Variants in ZFYVE28 observed in about 807,000 individuals in gnomAD.
ZFYVE28 encodes the protein zinc finger FYVE-type containing 28, also known as lateral signaling target protein 2 homolog.
A neutral mutation model predicts 82.1 loss-of-function variants in ZFYVE28; 40 were observed. That is an observed-to-expected ratio of 0.49 (90% CI 0.38 to 0.63). ZFYVE28 has a LOEUF of 0.63. Ranked by LOEUF, ZFYVE28 falls within the 30% of genes least tolerant of loss-of-function variation. ZFYVE28 has a pLI of 0.00. For synonymous variants in ZFYVE28, 612 were observed against 546.1 expected (o/e 1.12, Z -1.68); for missense variants, 1,321 against 1,242.1 (o/e 1.06, Z -0.96).
At chr4:2,400,500 A>G (rs991922339) in intron 1 of ZFYVE28, among the ~76,000 whole-genome samples, 2 of 152,016 alleles carry the variant, frequency 1.3e-5, no homozygotes, top group African/African-American at 4.8e-5. Context: ...GCCCCCAGAC[A>G]TCCCGGTTTG....
intron 1 of ZFYVE28, among the ~76,000 whole-genome samples, chr4:2,367,339 G>T (rs1726989733): frequency 1.3e-5 from 2 of 151,456 alleles, no homozygotes; most frequent in Admixed American, 1.3e-4. Context: ...CACTGTGCTA[G>T]CAGGGTGCCC....
intron 1 of ZFYVE28, among the ~76,000 whole-genome samples, chr4:2,379,271 TACCAAGAAAAGGAA>T: frequency 6.6e-6 from 1 of 152,330 alleles, no homozygotes; most frequent in Non-Finnish European, 1.5e-5. Context: ...TTTCCTCATC[TACCAAGAAAAGGAA>T]ATCTCAGAAT....
chr4:2,296,603 G>A (rs1048167733), intron 8 of ZFYVE28, among the ~76,000 whole-genome samples: 6 of 151,028 alleles, frequency 4.0e-5, no homozygotes, highest in South Asian at 4.2e-4. Flanking sequence ...GCAGGACCTC[G>A]GGACACCTGC....
intron 1 of ZFYVE28, among the ~76,000 whole-genome samples, chr4:2,400,727 G>A (rs1261078495): frequency 6.6e-6 from 1 of 152,132 alleles, no homozygotes; most frequent in Non-Finnish European, 1.5e-5. Flanking sequence ...TGTAGGCTGG[G>A]AGGCTAGGCC....
In ZFYVE28 at chr4:2,271,788, G is replaced by C. The variant is rs758773685; in HGVS notation, c.2324-9C>G. The C allele has an allele frequency of 1.2e-6, 2 of 1,612,470 alleles. No individual in the cohort carries two copies. The highest frequency in any genetic ancestry group is 1.7e-6 in the Non-Finnish European group (2 of 1,178,978). On this transcript the variant is annotated splice_polypyrimidine_tract_variant and intron_variant, in intron 10 of 12. Transcript: ENST00000290974. Reference sequence around the variant, plus strand: ...CCGCAGAGTCTGGGTGACTAGTGGAGAAGGGGGGCCGTCGGGGTATGGTGA... The same window carrying C: ...CCGCAGAGTCTGGGTGACTAGTGGACAAGGGGGGCCGTCGGGGTATGGTGA...
At chr4:2,365,065 C>A (rs919040938) in intron 1 of ZFYVE28, among the ~76,000 whole-genome samples, 7 of 150,878 alleles carry the variant, frequency 4.6e-5, no homozygotes, top group Non-Finnish European at 8.8e-5. Context: ...GGCTGAAGGG[C>A]GAGCAGTGGA....
intron 4 of ZFYVE28, among the ~76,000 whole-genome samples, chr4:2,338,116 C>T (rs1350246645): frequency 6.6e-6 from 1 of 152,248 alleles, no homozygotes; most frequent in Non-Finnish European, 1.5e-5. Context: ...CGAATGAACA[C>T]GTGCACGGGT....
At chr4:2,359,909 G>A (rs1156805846) in intron 1 of ZFYVE28, among the ~76,000 whole-genome samples, 1 of 152,104 alleles carries the variant, frequency 6.6e-6, no homozygotes, top group African/African-American at 2.4e-5. Context: ...TGCTCTTGGG[G>A]TGGGCTCAAG....
At chr4:2,322,905 A>G (rs1719308843) in intron 6 of ZFYVE28, among the ~76,000 whole-genome samples, 1 of 152,190 alleles carries the variant, frequency 6.6e-6, no homozygotes, top group South Asian at 2.1e-4. Flanking sequence ...ATGCTGTGGC[A>G]CGTGGCGAAT....
intron 1 of ZFYVE28, chr4:2,364,403 C>A: frequency 1.0e-6 from 1 of 979,510 alleles, no homozygotes; most frequent in African/African-American, 1.7e-5. Flanking sequence ...GGGCACAGCC[C>A]CCCACCTCTC....
chr4:2,372,913 C>A lies in ZFYVE28; in HGVS notation c.40-18840G>T, dbSNP rs562736406. Among the ~76,000 whole-genome samples, 1 of 152,244 alleles carries A rather than the reference C, an allele frequency of 6.6e-6. No homozygotes were observed. The highest frequency in any genetic ancestry group is 1.5e-5 in the Non-Finnish European group (1 of 67,996). On this transcript the variant is annotated intron_variant, in intron 1 of 12. Coordinates refer to ENST00000290974, the MANE Select transcript of ZFYVE28 (RefSeq NM_020972.3). The surrounding 1 kb of genome is among the most constrained non-coding windows in gnomAD (Gnocchi z 5.2). ...ACCCCCAGCCTCTCTGCCAGCCAAC[C>A]TTGGACGACTAGGGAGGGAAAAACC...
At chr4:2,351,798 G>A (rs1370009022) in intron 2 of ZFYVE28, among the ~76,000 whole-genome samples, 1 of 152,230 alleles carries the variant, frequency 6.6e-6, no homozygotes, top group East Asian at 1.9e-4. Context: ...CCAGCTGGCT[G>A]TAAACTGGGG....
At chr4:2,360,519 G>C (rs1400976528) in intron 1 of ZFYVE28, among the ~76,000 whole-genome samples, 2 of 152,122 alleles carry the variant, frequency 1.3e-5, no homozygotes, top group African/African-American at 4.8e-5. Context: ...CAGTATTTCA[G>C]AGGAAGAGGC....
chr4:2,414,378 G>A (rs2108691494), intron 1 of ZFYVE28, among the ~76,000 whole-genome samples: 1 of 152,384 alleles, frequency 6.6e-6, no homozygotes, highest in South Asian at 2.1e-4. Flanking sequence ...GGCTTCTCTT[G>A]GCAAAGGCCA....
intron 8 of ZFYVE28, among the ~76,000 whole-genome samples, chr4:2,294,268 C>A (rs1577939553): frequency 6.6e-6 from 1 of 152,296 alleles, no homozygotes; most frequent in Non-Finnish European, 1.5e-5. Context: ...ATTAATAGAA[C>A]AGACTGGAGA....
intron 6 of ZFYVE28, chr4:2,324,542 T>G (rs768773787): frequency 5.5e-6 from 1 of 182,950 alleles, no homozygotes; most frequent in Non-Finnish European, 1.2e-5. Flanking sequence ...AACATTCAAC[T>G]GATCTTCACT....
Position 2,363,404 on chromosome 4 carries a change from G to A in ZFYVE28, c.40-9331C>T, listed in dbSNP as rs371280491. 1.2e-4 allele frequency among the ~76,000 whole-genome samples: 18 copies of A among 152,282 alleles called. No homozygotes were observed. In the South Asian group the frequency reaches 2.3e-3, roughly 19 times the overall value. On this transcript the variant is annotated intron_variant, in intron 1 of 12. Transcript: ENST00000290974. ...CCAGGGACTGTAACAGCTTGAGTTA[G>A]GGAGGAACCGCCTGGGCTTTGCTTC...
intron 1 of ZFYVE28, among the ~76,000 whole-genome samples, chr4:2,371,875 C>A (rs971405904): frequency 2.0e-5 from 3 of 150,014 alleles, no homozygotes; most frequent in Non-Finnish European, 1.5e-5. Flanking sequence ...GAGAAGCCGG[C>A]CTCGGCGGCA....
intron 6 of ZFYVE28, among the ~76,000 whole-genome samples, chr4:2,331,951 C>T (rs936111580): frequency 2.0e-5 from 3 of 152,200 alleles, no homozygotes; most frequent in African/African-American, 4.8e-5. Flanking sequence ...AGGCTCTGAC[C>T]CTCGGGTGGG....
Sources: gnomAD v4.1 joint callset for allele counts (sites outside exome capture counted in the v4.1 genomes callset) on GRCh38, gnomAD v4.1.1 for gene constraint, Gnocchi (gnomAD v3.1) non-coding constraint, MANE v1.5 for transcripts, NCBI Gene and HGNC (gene_info 2026-07-23, HGNC 2026-07-21) for gene names.